The following WDFY4 variants were observed in gnomAD, a reference collection of about 807,000 sequenced individuals.
WDFY4 encodes WDFY family member 4.
A neutral mutation model predicts 351.9 loss-of-function variants in WDFY4; 169 were observed. The ratio of observed to expected loss-of-function variants is 0.48; its 90% CI spans 0.42 to 0.55. The LOEUF (loss-of-function observed/expected upper bound fraction) is 0.55. WDFY4 is among the 20% of genes least tolerant of loss of function. The probability of loss-of-function intolerance (pLI) is 0.00; values close to 1 mark genes in which losing one functional copy is unlikely to be tolerated. For synonymous variants in WDFY4, 1,622 were observed against 1,574.6 expected (o/e 1.03, Z -0.71); for missense variants, 3,803 against 3,935.6 (o/e 0.97, Z 0.90).
intron 25 of WDFY4, chr10:48,804,710 T>A: frequency 1.0e-6 from 1 of 985,194 alleles, no homozygotes; most frequent in South Asian, 4.7e-5. Context: ...CAGATATTTA[T>A]CCTGGGAGCT....
chr10:48,904,204 GCCAGGGTATGGT>G (rs1837500887), intron 47 of WDFY4, among the ~76,000 whole-genome samples: 1 of 152,232 alleles, frequency 6.6e-6, no homozygotes, highest in African/African-American at 2.4e-5. Flanking sequence ...TGCAAGGCAT[GCCAGGGTATGGT>G]CCAGGGGACC....
At chr10:48,810,773 C>T in intron 29 of WDFY4, 38 bp downstream of exon 29, 1 of 1,478,726 alleles carries the variant, frequency 6.8e-7, no homozygotes, top group East Asian at 2.5e-5. Context: ...GGGGCACCAC[C>T]TAGTCCTGGG....
At position 48,787,912 on chromosome 10, in the gene WDFY4, C is replaced by T. The variant is rs1252772619; in HGVS notation, c.3809-618C>T. Among the ~76,000 whole-genome samples the T allele has an allele frequency of 1.0e-3, 45 of 45,202 alleles. 5 individuals are homozygous for T. The highest frequency in any genetic ancestry group is 4.4e-3 in the African/African-American group (38 of 8,546). The allele number at this position is 45,202 out of a possible 152,430, so 29.7% of individuals were successfully genotyped here. On this transcript the variant is annotated intron_variant, in intron 20 of 61. Coordinates refer to ENST00000325239, the MANE Select transcript of WDFY4 (RefSeq NM_001394531.1). ...TCTTCTCCTTCTTCTTCTTCTTCTT[C>T]TTCTTCTTCTTCTTCTTCTTCTTCT...
rs1016862947 is a variant in WDFY4, at chr10:48,917,496, G to T, written c.7586+15633G>T. ...TTAAAGAAAAAACATGAAAGCTGCCGGAGAACAATGACGTATCACCCACAG... is the reference window on the plus strand; with the variant it reads ...TTAAAGAAAAAACATGAAAGCTGCCTGAGAACAATGACGTATCACCCACAG... On this transcript the variant is annotated intron_variant, in intron 47 of 61. Coordinates refer to ENST00000325239, the MANE Select transcript of WDFY4 (RefSeq NM_001394531.1). 2.0e-5 allele frequency among the ~76,000 whole-genome samples: 3 copies of T among 152,274 alleles called. No individual in the cohort carries two copies. The East Asian group carries it at 5.8e-4, about 29-fold the overall frequency.
chr10:48,804,037 T>C (rs931451033), intron 25 of WDFY4, among the ~76,000 whole-genome samples: 1 of 152,224 alleles, frequency 6.6e-6, no homozygotes, highest in Admixed American at 6.5e-5. Context: ...GTCTTAGCTA[T>C]TGGACTGAGT....
intron 39 of WDFY4, among the ~76,000 whole-genome samples, chr10:48,836,605 C>T (rs1007367055): frequency 6.6e-6 from 1 of 152,156 alleles, no homozygotes; most frequent in Non-Finnish European, 1.5e-5. Context: ...TCTTCATTTT[C>T]AGTAGAAAAT....
chr10:48,811,599 G>C lies in WDFY4; in HGVS notation c.5105G>C (p.Arg1702Pro). The change falls in exon 30 of 62, where the codon CGT becomes CCT. Residue 1702 changes from arginine to proline, a missense_variant. By Grantham distance (103) the Arg-to-Pro change is moderately radical. Transcript: ENST00000325239. The stretch of plus-strand genomic sequence containing the variant: ...AGCCCATGCCTGCTTCCTGGGTTCC[G>C]TGTCTTGAATGACTTTCTGGCCCAC... ...EQSPCLLPGF[R>P]VLNDFLAHHV... The C allele has an allele frequency of 6.4e-7, 1 of 1,552,096 alleles. No homozygotes were observed. Among genetic ancestry groups the C allele is most frequent in the Non-Finnish European group, 8.7e-7 (1 of 1,147,094 alleles).
chr10:48,961,685 ATC>A (rs1230309769), intron 53 of WDFY4, among the ~76,000 whole-genome samples: 1 of 152,204 alleles, frequency 6.6e-6, no homozygotes, highest in Admixed American at 6.5e-5. Flanking sequence ...ATGATGGCAG[ATC>A]TTGGAGAAGA....
chr10:48,978,077 G>T (rs547410869), intron 59 of WDFY4, among the ~76,000 whole-genome samples: 1 of 152,308 alleles, frequency 6.6e-6, no homozygotes, highest in South Asian at 2.1e-4. Flanking sequence ...TAGGGACATG[G>T]GTGGGGTAAA....
At position 48,774,584 on chromosome 10, in the gene WDFY4, C is replaced by G; in HGVS notation, c.2680C>G (p.Leu894Val). The change falls in exon 14 of 62, where the codon CTG (leucine) becomes GTG (valine). Residue 894 changes from leucine (L) to valine (V), a missense_variant. This residue lies in a region of WDFY4 where 3,054 missense variants were observed against 3,148.6 expected (regional missense o/e 0.97). Coordinates refer to ENST00000325239, the MANE Select transcript of WDFY4 (RefSeq NM_001394531.1). ...GTLMASCHRA[L>V]VTSGSPLHSR... ...CCTCATGGCCTCCTGCCACAGGGCC[C>G]TGGTCACCAGTGGCAGCCCCCTCCA... 3 of 1,551,672 alleles carry G rather than the reference C, an allele frequency of 1.9e-6. No homozygotes were observed. Among genetic ancestry groups the G allele is most frequent in the Non-Finnish European group, 1.7e-6 (2 of 1,146,984 alleles).
intron 47 of WDFY4, among the ~76,000 whole-genome samples, chr10:48,908,627 A>ATT (rs61333667): frequency 3.3e-4 from 49 of 149,606 alleles, no homozygotes; most frequent in African/African-American, 7.1e-4. Context: ...AGGCTGTAAG[A>ATT]TTTTTTTTTT....
intron 40 of WDFY4, among the ~76,000 whole-genome samples, chr10:48,871,398 T>C (rs1483907223): frequency 3.9e-5 from 6 of 152,122 alleles, no homozygotes; most frequent in East Asian, 3.8e-4. Context: ...CGAGTGTTCA[T>C]TCTATGTGAC....
At chr10:48,722,673 ACACACACATG>A (rs2064130434) in intron 4 of WDFY4, among the ~76,000 whole-genome samples, 1 of 132,012 alleles carries the variant, frequency 7.6e-6, no homozygotes, top group South Asian at 2.6e-4. Flanking sequence ...ACACACGTGC[ACACACACATG>A]CACACATGCA....
chr10:48,789,351 G>A (rs549845364), intron 21 of WDFY4, among the ~76,000 whole-genome samples: 2 of 152,268 alleles, frequency 1.3e-5, no homozygotes, highest in South Asian at 4.2e-4. Context: ...CACCCTAATG[G>A]ACAGAGGGTA....
At chr10:48,940,880 TTCCTACCAGGGCAG>T (rs1840716851) in intron 47 of WDFY4, among the ~76,000 whole-genome samples, 1 of 152,212 alleles carries the variant, frequency 6.6e-6, no homozygotes, top group South Asian at 2.1e-4. Context: ...TTACCCTTTT[TTCCTACCAGGGCAG>T]TCCACAATGG....
At chr10:48,972,591 C>T (rs113463850) in intron 57 of WDFY4, among the ~76,000 whole-genome samples, 1 of 152,126 alleles carries the variant, frequency 6.6e-6, no homozygotes, top group East Asian at 1.9e-4. Flanking sequence ...TTTAATAAAC[C>T]ATTTCTTCTA....
intron 45 of WDFY4, among the ~76,000 whole-genome samples, chr10:48,898,121 G>A (rs999403683): frequency 2.0e-5 from 3 of 152,134 alleles, no homozygotes; most frequent in African/African-American, 7.2e-5. Context: ...CCTCACCCAT[G>A]CCTTCAAGGG....
In WDFY4 at chr10:48,718,121, C is replaced by G. The variant is rs538834462; in HGVS notation, c.235-1890C>G. On this transcript the variant is annotated intron_variant, in intron 2 of 61. Transcript: ENST00000325239. ...TAAAATATTGAGGTTTCAATGTGCACTTTATGGATCATTAATAATTTGTTA... is the reference window on the plus strand; with the variant it reads ...TAAAATATTGAGGTTTCAATGTGCAGTTTATGGATCATTAATAATTTGTTA... Among the ~76,000 whole-genome samples the G allele has an allele frequency of 5.9e-5, 9 of 152,218 alleles. No homozygotes were observed. In the South Asian group the frequency reaches 1.9e-3, roughly 32 times the overall value.
chr10:48,751,099 C>T (rs1331242758), intron 12 of WDFY4, among the ~76,000 whole-genome samples: 12 of 152,178 alleles, frequency 7.9e-5, no homozygotes, highest in Admixed American at 5.9e-4. Context: ...TGGGCTCCCA[C>T]CTAGTAGAGA....
Sources: allele counts gnomAD v4.1 joint callset (sites outside exome capture counted in the v4.1 genomes callset), GRCh38; gene constraint gnomAD v4.1.1; regional missense constraint gnomAD v4.1.1; transcripts MANE v1.5; gene names NCBI Gene and HGNC (gene_info 2026-07-23, HGNC 2026-07-21).